PUM2: variants seen among roughly 807,000 people sequenced by gnomAD.
The protein encoded by PUM2 is pumilio homolog 2.
A neutral mutation model predicts 124.5 loss-of-function variants in PUM2; 57 were observed. That is an observed-to-expected ratio of 0.46 (90% CI 0.37 to 0.57). The LOEUF is 0.57. Among genes scored for constraint, PUM2 ranks in the 20% least tolerant of loss-of-function variants. The pLI is 0.00. For missense variants in PUM2, 1,065 were observed against 1,290.6 expected (o/e 0.83, Z 2.68); for synonymous variants, 460 against 446.1 (o/e 1.03, Z -0.39).
chr2:20,297,755 T>A lies in PUM2; in HGVS notation c.884-77A>T, dbSNP rs186372951. ...TTTCATTAGATAAAAACATTTCTAC[T>A]CTGAATCTGGGGTGGTGTGGGGGTG... On this transcript the variant is annotated intron_variant, in intron 7 of 20. Coordinates refer to ENST00000361078, the MANE Select transcript of PUM2 (RefSeq NM_015317.5). 2.1e-5 allele frequency: 31 copies of A among 1,445,158 alleles called. No homozygotes were observed. The African/African-American group carries it at 4.4e-4, about 20-fold the overall frequency. The allele number at this position is 1,445,158 out of a possible 1,614,324, so 89.5% of individuals were successfully genotyped here.
chr2:20,302,046 A>T (rs1677112047), intron 7 of PUM2, among the ~76,000 whole-genome samples: 1 of 152,092 alleles, frequency 6.6e-6, no homozygotes, highest in Admixed American at 6.6e-5. Context: ...CTATATCCTT[A>T]AAAAAAATTT....
intron 1 of PUM2, among the ~76,000 whole-genome samples, chr2:20,333,804 A>T (rs1685423073): frequency 6.6e-6 from 1 of 152,108 alleles, no homozygotes; most frequent in African/African-American, 2.4e-5. Context: ...CCCCAGTGTT[A>T]GGGGTGGGGC....
intron 1 of PUM2, among the ~76,000 whole-genome samples, chr2:20,346,025 G>C (rs1211557248): frequency 6.6e-6 from 1 of 152,206 alleles, no homozygotes; most frequent in African/African-American, 2.4e-5. Flanking sequence ...AGAGCGTAGA[G>C]CACTCCTATT....
intron 14 of PUM2, among the ~76,000 whole-genome samples, chr2:20,261,695 C>T (rs1192665325): frequency 6.6e-6 from 1 of 152,044 alleles, no homozygotes; most frequent in Admixed American, 6.6e-5. Context: ...GATCTTTACA[C>T]TGTATAGGCT....
intron 10 of PUM2, among the ~76,000 whole-genome samples, chr2:20,284,174 G>GGT (rs1188648250): frequency 6.6e-6 from 1 of 152,026 alleles, no homozygotes; most frequent in Admixed American, 6.6e-5. Context: ...TCCTAAGGAT[G>GGT]GTATATAACA....
chr2:20,312,530 G>T, intron 3 of PUM2, 107 bp from the exon 4 acceptor site: 1 of 1,028,130 alleles, frequency 9.7e-7, no homozygotes, highest in Non-Finnish European at 1.4e-6. Flanking sequence ...GTTTTATTTT[G>T]AATGTTATTA....
intron 2 of PUM2, among the ~76,000 whole-genome samples, chr2:20,320,811 T>C (rs1402386781): frequency 6.6e-6 from 1 of 152,094 alleles, no homozygotes; most frequent in African/African-American, 2.4e-5. Context: ...TAAAGCATAC[T>C]TGATATATTT....
At chr2:20,326,510 T>C in intron 2 of PUM2, 3 of 862,014 alleles carry the variant, frequency 3.5e-6, no homozygotes, top group South Asian at 1.5e-5. Context: ...TCTTCTATTA[T>C]CAAAGTCTAC....
At chr2:20,263,598 A>T (rs896047572) in intron 13 of PUM2, 138 bp from the exon 14 acceptor site, 27 of 1,045,426 alleles carry the variant, frequency 2.6e-5, no homozygotes, top group African/African-American at 4.8e-5. Context: ...GAAAATTAAA[A>T]TTGGGAGGGG....
rs896237873 is a variant in PUM2 at position 20,350,680 on chromosome 2, C to T, written c.-102G>A. On this transcript the variant is annotated 5_prime_UTR_variant, in exon 1 of 21. Transcript: ENST00000361078. ...CGTCGCTCTTGGCGGTCCTCCCCCTCCTCCGCCTTCGGTGGCGGCAATGTC... is the reference window on the plus strand; with the variant it reads ...CGTCGCTCTTGGCGGTCCTCCCCCTTCTCCGCCTTCGGTGGCGGCAATGTC... 554 of 984,808 alleles carry T rather than the reference C, an allele frequency of 5.6e-4. No individual in the cohort carries two copies. The highest frequency in any genetic ancestry group is 6.0e-4 in the Non-Finnish European group (501 of 829,522). 61.0% of individuals were successfully genotyped at this position (984,808 alleles called of 1,614,324 possible).
intron 7 of PUM2, among the ~76,000 whole-genome samples, chr2:20,302,714 T>TAAAG (rs1224924806): frequency 6.6e-6 from 1 of 152,158 alleles, no homozygotes; most frequent in Non-Finnish European, 1.5e-5. Flanking sequence ...TCCAAAAAGT[T>TAAAG]AAAGAAAGCA....
rs545633390 is a variant in PUM2, at chr2:20,267,049, G to A, written c.1958-3589C>T. Among the ~76,000 whole-genome samples the A allele has an allele frequency of 2.4e-3, 349 of 147,184 alleles. 3 individuals are homozygous for A. The highest frequency in any genetic ancestry group is 4.4e-3 in the Non-Finnish European group (291 of 66,808). On this transcript the variant is annotated intron_variant, in intron 13 of 20. Coordinates refer to ENST00000361078, the MANE Select transcript of PUM2 (RefSeq NM_015317.5). ...AACTTTTTTTTTTTTTTTGAGACAG[G>A]TCTCACTCTGTCACCCAGGCTGGAG...
chr2:20,268,230 G>C (rs543980376), intron 13 of PUM2, among the ~76,000 whole-genome samples: 9 of 152,296 alleles, frequency 5.9e-5, no homozygotes, highest in African/African-American at 2.2e-4. Flanking sequence ...TATTCTGATA[G>C]AAGAGTATGG....
chr2:20,260,281 G>A, intron 15 of PUM2, 56 bp downstream of exon 15: 2 of 1,453,498 alleles, frequency 1.4e-6, no homozygotes, highest in Admixed American at 2.2e-5. Flanking sequence ...GCTTTTCTTA[G>A]CATCAAGTAT....
At chr2:20,273,265 C>T (rs940819535) in intron 13 of PUM2, among the ~76,000 whole-genome samples, 19 of 152,294 alleles carry the variant, frequency 1.2e-4, no homozygotes, top group African/African-American at 4.3e-4. Context: ...CCAATAGAAT[C>T]CCCACAATCA....
chr2:20,302,703 C>T lies in PUM2; in HGVS notation c.884-5025G>A, dbSNP rs1051085881. Among the ~76,000 whole-genome samples, 3 of 152,122 alleles carry T rather than the reference C, an allele frequency of 2.0e-5. No individual in the cohort carries two copies. In the East Asian group the frequency reaches 5.8e-4, roughly 29 times the overall value. On this transcript the variant is annotated intron_variant, in intron 7 of 20. Transcript: ENST00000361078. ...ATTGTTTTAAAAAACTGAAACTGTG[C>T]TCCAAAAAGTTAAAGAAAGCAGTGA...
chr2:20,279,688 T>C (rs1334937290), intron 12 of PUM2, among the ~76,000 whole-genome samples: 1 of 152,192 alleles, frequency 6.6e-6, no homozygotes, highest in Non-Finnish European at 1.5e-5. Context: ...TTTCCTTTTA[T>C]AGTGCAGAAA....
chr2:20,272,529 T>TA lies in PUM2; in HGVS notation c.1957+6053dup, dbSNP rs149447442. ...GATGCACTACTCTGTTCCGCTGTTC[T>TA]ATTTATTTATCCTTGTGCCAATACC... On this transcript the variant is annotated intron_variant, in intron 13 of 20. Coordinates refer to ENST00000361078, the MANE Select transcript of PUM2 (RefSeq NM_015317.5). Among the ~76,000 whole-genome samples the TA allele has an allele frequency of 4.4e-3, 672 of 152,358 alleles. 5 individuals carry two copies. Among genetic ancestry groups the TA allele is most frequent in the African/African-American group, 0.014 (602 of 41,590 alleles).
At position 20,342,087 on chromosome 2, in the gene PUM2, C is replaced by A. The variant is rs1407520654; in HGVS notation, c.-19+8510G>T. Among the ~76,000 whole-genome samples the A allele has an allele frequency of 6.7e-5, 10 of 149,334 alleles. No homozygotes were observed. The Admixed American group carries it at 6.7e-4, about 10-fold the overall frequency. On this transcript the variant is annotated intron_variant, in intron 1 of 20. Coordinates refer to ENST00000361078, the MANE Select transcript of PUM2 (RefSeq NM_015317.5). ...GTGGTTGCATGGAGCGGAGATTGCG[C>A]CACTACACTCCAGCCTGGGCAACAG... is the stretch of plus-strand genomic sequence containing the variant.
Sources: allele counts gnomAD v4.1 joint callset (sites outside exome capture counted in the v4.1 genomes callset), GRCh38; gene constraint gnomAD v4.1.1; transcripts MANE v1.5; gene names NCBI Gene and HGNC (gene_info 2026-07-23, HGNC 2026-07-21).